Variants in TBL1X observed in about 807,000 individuals in gnomAD.
The protein encoded by TBL1X is F-box-like/WD repeat-containing protein TBL1X.
A neutral mutation model predicts 50.7 loss-of-function variants in TBL1X; 10 were observed. That is an observed-to-expected ratio of 0.20 (90% CI 0.12 to 0.33). The LOEUF (loss-of-function observed/expected upper bound fraction) is 0.33, where lower values mean the gene tolerates loss of function less well. Among genes scored for constraint, TBL1X ranks in the 10% least tolerant of loss-of-function variants. The probability of loss-of-function intolerance (pLI) is 1.00; values close to 1 mark genes in which losing one functional copy is unlikely to be tolerated. For synonymous variants in TBL1X, 190 were observed against 214.7 expected, an observed-to-expected ratio of 0.88 and a Z score of 1.01; for missense variants, 340 against 504.4, an observed-to-expected ratio of 0.67 and a Z score of 3.12.
At chrX:9,499,387 AAGAG>A (rs1411887714) in intron 1 of TBL1X, among the ~76,000 whole-genome samples, 10 of 112,022 alleles carry the variant, frequency 8.9e-5, no homozygotes, top group African/African-American at 3.2e-4. Flanking sequence ...AAAAAGATGA[AAGAG>A]AGTGCTGTCC....
chrX:9,561,501 G>T (rs2082324916), intron 2 of TBL1X, among the ~76,000 whole-genome samples: 1 of 111,762 alleles, frequency 8.9e-6, no homozygotes, highest in Non-Finnish European at 1.9e-5. Context: ...TGTACGTTCT[G>T]ATTTCTTCTG....
Position 9,585,864 on chromosome X carries a change from G to A in TBL1X, c.-130-54409G>A, listed in dbSNP as rs190136515. ...ACTGGGCGCTAGGACTTTAACATGT[G>A]AATTTTAGGGGAACACAGTTGAACC... is the stretch of plus-strand genomic sequence containing the variant. On this transcript the variant is annotated intron_variant, in intron 2 of 17. Coordinates refer to ENST00000645353, the MANE Select transcript of TBL1X (RefSeq NM_005647.4). Among the ~76,000 whole-genome samples the A allele has an allele frequency of 1.3e-4, 15 of 111,958 alleles. No individual in the cohort carries two copies. In the East Asian group the frequency reaches 4.2e-3, roughly 31 times the overall value.
chrX:9,584,040 A>G (rs2082455639), intron 2 of TBL1X, among the ~76,000 whole-genome samples: 1 of 112,418 alleles, frequency 8.9e-6, no homozygotes, highest in Non-Finnish European at 1.9e-5. Context: ...GAAAAGTGTA[A>G]GGTACCATTT....
chrX:9,624,677 A>C (rs1326080294), intron 2 of TBL1X, among the ~76,000 whole-genome samples: 4 of 111,680 alleles, frequency 3.6e-5, no homozygotes, highest in Non-Finnish European at 5.6e-5. Context: ...TTGCATGAAG[A>C]AGCAGCCTGT....
chrX:9,527,930 C>T (rs994634219), intron 2 of TBL1X, among the ~76,000 whole-genome samples: 1 of 110,717 alleles, frequency 9.0e-6, no homozygotes, highest in African/African-American at 3.3e-5. Flanking sequence ...ACCACAGGTG[C>T]GCATCACCAC....
chrX:9,711,859 G>A, intron 16 of TBL1X, 83 bp downstream of exon 16: 1 of 1,032,565 alleles, frequency 9.7e-7, no homozygotes, highest in Admixed American at 3.2e-5. Flanking sequence ...GCTCAGAGCA[G>A]TGCCCCGGAG....
chrX:9,575,564 T>C (rs2082407108), intron 2 of TBL1X, among the ~76,000 whole-genome samples: 1 of 112,177 alleles, frequency 8.9e-6, no homozygotes, highest in African/African-American at 3.2e-5. Flanking sequence ...CAGATTATAC[T>C]ATCTGTTCAT....
rs758064615 is a variant in TBL1X at position 9,624,482 on chromosome X, A to ATTATTTTATT, written c.-130-15780_-130-15771dup. Among the ~76,000 whole-genome samples, 5 of 111,991 alleles carry ATTATTTTATT rather than the reference A, an allele frequency of 4.5e-5. No homozygotes were observed. In the South Asian group the frequency reaches 1.9e-3, roughly 42 times the overall value. Reference sequence around the variant, plus strand: ...TGCCTATATAATTTACATTTAACCTATTATTTTATTTTATTTTATTCATGA... The same window carrying ATTATTTTATT: ...TGCCTATATAATTTACATTTAACCTATTATTTTATTTTATTTTATTTTATTTTATTCATGA... On this transcript the variant is annotated intron_variant, in intron 2 of 17. Transcript: ENST00000645353.
intron 2 of TBL1X, among the ~76,000 whole-genome samples, chrX:9,568,164 C>CA (rs1472821110): frequency 8.9e-6 from 1 of 111,869 alleles, no homozygotes; most frequent in Non-Finnish European, 1.9e-5. Flanking sequence ...TGAGAACCCC[C>CA]AAAGACGCCA....
At chrX:9,627,087 AT>A (rs2082696358) in intron 2 of TBL1X, among the ~76,000 whole-genome samples, 1 of 112,285 alleles carries the variant, frequency 8.9e-6, no homozygotes, top group Admixed American at 9.4e-5. Flanking sequence ...AAGCATTTAC[AT>A]ATTGAAGGCA....
chrX:9,686,355 T>C (rs1228571930), intron 6 of TBL1X, among the ~76,000 whole-genome samples: 1 of 111,961 alleles, frequency 8.9e-6, no homozygotes, highest in African/African-American at 3.3e-5. Context: ...TCCAGCACTC[T>C]AGGGGCTAAT....
At chrX:9,693,991 A>G (rs2083114797) in intron 11 of TBL1X, among the ~76,000 whole-genome samples, 1 of 111,327 alleles carries the variant, frequency 9.0e-6, no homozygotes, top group South Asian at 3.8e-4. Context: ...AGGTGCATGT[A>G]AAAGCCATCA....
chrX:9,665,546 C>G (rs1601826071), intron 5 of TBL1X, among the ~76,000 whole-genome samples: 1 of 40,731 alleles, frequency 2.5e-5, no homozygotes, highest in East Asian at 9.8e-4. Context: ...TATAAAAGGC[C>G]TTGGTGCTTT....
intron 2 of TBL1X, among the ~76,000 whole-genome samples, chrX:9,619,183 T>C (rs763379319): frequency 5.5e-4 from 62 of 112,717 alleles, no homozygotes; most frequent in Admixed American, 2.7e-3. Context: ...TTGAGTTTTC[T>C]ATGAAAGGAC....
intron 7 of TBL1X, among the ~76,000 whole-genome samples, chrX:9,690,902 G>A (rs969961916): frequency 9.1e-6 from 1 of 109,543 alleles, no homozygotes; most frequent in South Asian, 4.0e-4. Context: ...CTAACTTCTT[G>A]TTGTTGTTGT....
chrX:9,506,384 A>C (rs925138853), intron 2 of TBL1X, among the ~76,000 whole-genome samples: 20 of 111,714 alleles, frequency 1.8e-4, no homozygotes, highest in Admixed American at 9.6e-4. Context: ...ATCACAATTA[A>C]AAGAGCTAGA....
chrX:9,613,994 A>AG (rs1313683868), intron 2 of TBL1X, among the ~76,000 whole-genome samples: 10 of 109,060 alleles, frequency 9.2e-5, no homozygotes, highest in Non-Finnish European at 1.9e-4. Flanking sequence ...TCAAAAAAAA[A>AG]AAAAAAAAAG....
chrX:9,475,191 A>G (rs555882187), intron 1 of TBL1X, among the ~76,000 whole-genome samples: 2 of 111,294 alleles, frequency 1.8e-5, no homozygotes, highest in African/African-American at 6.5e-5. Context: ...TTTTTGAGAC[A>G]TATTTCATCT....
chrX:9,697,544 G>A (rs1435717075), intron 12 of TBL1X, 115 bp downstream of exon 12: 4 of 1,036,451 alleles, frequency 3.9e-6, no homozygotes, highest in Non-Finnish European at 5.3e-6. Flanking sequence ...AGCCGAAGCA[G>A]GTGGATTGCA....
Sources: allele counts gnomAD v4.1 joint callset (sites outside exome capture counted in the v4.1 genomes callset), GRCh38; gene constraint gnomAD v4.1.1; transcripts MANE v1.5; gene names NCBI Gene and HGNC (gene_info 2026-07-23, HGNC 2026-07-21).